ZC3H7A: variants seen among roughly 807,000 people sequenced by gnomAD.
ZC3H7A encodes zinc finger CCCH-type containing 7A.
ZC3H7A carries 44 observed loss-of-function variants against 125.5 expected under a neutral mutation model. That is an observed-to-expected ratio of 0.35 (90% CI 0.28 to 0.45). The LOEUF (loss-of-function observed/expected upper bound fraction) is 0.45. Among genes scored for constraint, ZC3H7A ranks in the 20% least tolerant of loss-of-function variants. The probability of loss-of-function intolerance (pLI) is 1.00; values close to 1 mark genes in which losing one functional copy is unlikely to be tolerated. For missense variants in ZC3H7A, 977 were observed against 1,170.7 expected (o/e 0.83, Z 2.41); for synonymous variants, 399 against 391.2 (o/e 1.02, Z -0.23).
intron 2 of ZC3H7A, among the ~76,000 whole-genome samples, chr16:11,781,794 T>C (rs1253407257): frequency 6.6e-6 from 1 of 152,074 alleles, no homozygotes; most frequent in Non-Finnish European, 1.5e-5. Context: ...CCACTAACAA[T>C]ATTTGATCCA....
intron 15 of ZC3H7A, among the ~76,000 whole-genome samples, chr16:11,764,721 CA>C (rs1245189573): frequency 6.7e-6 from 1 of 149,502 alleles, no homozygotes; most frequent in African/African-American, 2.5e-5. Flanking sequence ...GACTCTGTCT[CA>C]AAAAAAACAA....
At chr16:11,776,125 C>G (rs1011161096) in intron 7 of ZC3H7A, among the ~76,000 whole-genome samples, 195 bp downstream of exon 7, 1 of 152,100 alleles carries the variant, frequency 6.6e-6, no homozygotes, top group Non-Finnish European at 1.5e-5. Context: ...CAGGACACTG[C>G]ACTCCAGCCT....
intron 2 of ZC3H7A, 100 bp from the exon 3 acceptor site, chr16:11,781,564 T>G: frequency 8.3e-7 from 1 of 1,208,994 alleles, no homozygotes; most frequent in Non-Finnish European, 1.2e-6. Flanking sequence ...AGCTTGCCAC[T>G]GGTTCAAGGC....
chr16:11,779,783 T>A (rs553251995), intron 3 of ZC3H7A, among the ~76,000 whole-genome samples: 1 of 151,580 alleles, frequency 6.6e-6, no homozygotes, highest in East Asian at 1.9e-4. Flanking sequence ...CACTAGGTAG[T>A]GTGTGTGTGT....
At chr16:11,786,274 TATGCAGG>T (rs2053255710) in intron 1 of ZC3H7A, among the ~76,000 whole-genome samples, 2 of 152,128 alleles carry the variant, frequency 1.3e-5, no homozygotes, top group South Asian at 4.1e-4. Flanking sequence ...CCCAGAGTAG[TATGCAGG>T]ATGCCAGAGC....
chr16:11,782,525 C>T (rs191499355), intron 1 of ZC3H7A, 137 bp from the exon 2 acceptor site: 41 of 677,808 alleles, frequency 6.0e-5, no homozygotes, highest in Admixed American at 7.3e-5. Flanking sequence ...GGGTCCTGGA[C>T]GGCAGGGACC....
chr16:11,762,022 G>A lies in ZC3H7A; in HGVS notation c.2101C>T (p.Pro701Ser), dbSNP rs1196753000. Residue 701 changes from proline to serine, a missense_variant, in exon 18 of 23, where the codon CCT becomes TCT. Around this residue, in one of 3 missense-constraint regions of ZC3H7A, gnomAD observed 436 missense variants for 603.2 expected, o/e 0.72. Coordinates refer to ENST00000355758, the MANE Select transcript of ZC3H7A (RefSeq NM_014153.4). ...TTTATCTTCATATTAAGAAATCCAG[G>A]CATTATTTGATTACCAAGTACCTTA... ...GAQVLGNQIM[P>S]GFLNMKIKFV... 1.2e-6 allele frequency: 2 copies of A among 1,609,538 alleles called. No homozygotes were observed. Among genetic ancestry groups the A allele is most frequent in the South Asian group, 1.1e-5 (1 of 89,668 alleles).
intron 22 of ZC3H7A, 30 bp from the exon 23 acceptor site, chr16:11,751,536 C>G: frequency 1.3e-6 from 2 of 1,580,152 alleles, no homozygotes; most frequent in Non-Finnish European, 8.6e-7. Flanking sequence ...GCTCAGTGTC[C>G]ATATAAGTTG....
chr16:11,777,373 G>T (rs1391990199), intron 4 of ZC3H7A, among the ~76,000 whole-genome samples: 1 of 152,172 alleles, frequency 6.6e-6, no homozygotes, highest in Non-Finnish European at 1.5e-5. Flanking sequence ...TGACAACACG[G>T]ATATTTTTCT....
At chr16:11,753,252 T>C (rs35720575) in intron 21 of ZC3H7A, 30,217 of 170,946 alleles carry the variant, frequency 0.18, 4,318 homozygotes, top group African/African-American at 0.41. Context: ...GCATCAGGAA[T>C]TTAAAGACAC....
intron 2 of ZC3H7A, 144 bp from the exon 3 acceptor site, chr16:11,781,608 T>C: frequency 1.6e-6 from 1 of 606,896 alleles, no homozygotes; most frequent in South Asian, 2.4e-5. Flanking sequence ...TTTACTACCA[T>C]TATTCACAGA....
At chr16:11,793,556 GA>G (rs1442187665) in intron 1 of ZC3H7A, among the ~76,000 whole-genome samples, 1 of 151,556 alleles carries the variant, frequency 6.6e-6, no homozygotes, top group Admixed American at 6.6e-5. Flanking sequence ...TGGGGGGGAG[GA>G]AAAATGATAC....
At chr16:11,791,180 G>A (rs1169749195) in intron 1 of ZC3H7A, among the ~76,000 whole-genome samples, 1 of 150,556 alleles carries the variant, frequency 6.6e-6, no homozygotes, top group Non-Finnish European at 1.5e-5. Flanking sequence ...TGCTTGGGAC[G>A]CTGGATGAAG....
At chr16:11,779,139 A>T (rs1313154096) in intron 4 of ZC3H7A, 27 bp downstream of exon 4, 2 of 1,542,872 alleles carry the variant, frequency 1.3e-6, no homozygotes, top group African/African-American at 2.8e-5. Flanking sequence ...TCACTCTAGA[A>T]ACATCATTTT....
chr16:11,770,709 A>C, intron 10 of ZC3H7A, 74 bp downstream of exon 10: 1 of 1,376,460 alleles, frequency 7.3e-7, no homozygotes, highest in Admixed American at 2.0e-5. Context: ...GAGTCAGTTA[A>C]ATAATTGCCA....
At position 11,761,894 on chromosome 16, in the gene ZC3H7A, C is replaced by T. The variant is rs373849616; in HGVS notation, c.2213+16G>A. 29 of 1,606,014 alleles carry T rather than the reference C, an allele frequency of 1.8e-5. No individual in the cohort carries two copies. The highest frequency in any genetic ancestry group is 2.7e-5 in the African/African-American group (2 of 74,480). On this transcript the variant is annotated intron_variant, in intron 18 of 22. Transcript: ENST00000355758. ...AAAATTACAAAATAGGAATTGTTTC[C>T]ACACACAATACTTACGAATGCCTTG...
intron 1 of ZC3H7A, among the ~76,000 whole-genome samples, chr16:11,791,963 G>A (rs990395135): frequency 1.1e-4 from 16 of 152,146 alleles, no homozygotes; most frequent in African/African-American, 3.9e-4. Flanking sequence ...CCAGGCTGCA[G>A]TACAGTGGCA....
chr16:11,770,128 T>C (rs922970468), intron 10 of ZC3H7A, among the ~76,000 whole-genome samples: 7 of 152,112 alleles, frequency 4.6e-5, no homozygotes, highest in Non-Finnish European at 1.0e-4. Context: ...ATTTTCTCTC[T>C]GCCCTTCTGT....
chr16:11,786,137 T>C (rs1328204265), intron 1 of ZC3H7A, among the ~76,000 whole-genome samples: 1 of 152,202 alleles, frequency 6.6e-6, no homozygotes, highest in Non-Finnish European at 1.5e-5. Context: ...ATTAAACAAA[T>C]TTTTAAAGTT....
Sources: gnomAD v4.1 joint callset for allele counts (sites outside exome capture counted in the v4.1 genomes callset) on GRCh38, gnomAD v4.1.1 for gene constraint, gnomAD v4.1.1 regional missense constraint, MANE v1.5 for transcripts, NCBI Gene and HGNC (gene_info 2026-07-23, HGNC 2026-07-21) for gene names.